The following SLC35F3 variants were observed in gnomAD, a reference collection of about 807,000 sequenced individuals.
The protein encoded by SLC35F3 is putative thiamine transporter SLC35F3.
A neutral mutation model predicts 49.9 loss-of-function variants in SLC35F3; 25 were observed. That is an observed-to-expected ratio of 0.50 (90% CI 0.37 to 0.70). The LOEUF (loss-of-function observed/expected upper bound fraction) is 0.70. Ranked by LOEUF, SLC35F3 falls within the 30% of genes least tolerant of loss-of-function variation. SLC35F3 has a pLI of 0.00. For synonymous variants in SLC35F3, 275 were observed against 265.4 expected, an observed-to-expected ratio of 1.04 and a Z score of -0.35; for missense variants, 525 against 639.8, an observed-to-expected ratio of 0.82 and a Z score of 1.94.
chr1:234,028,699 G>A lies in SLC35F3; in HGVS notation c.283+122941G>A, dbSNP rs142020073. 6.6e-5 allele frequency among the ~76,000 whole-genome samples: 10 copies of A among 152,312 alleles called. No homozygotes were observed. The East Asian group carries it at 1.9e-3, about 29-fold the overall frequency. ...AGAGAGACTCTCTATAGAAAAGAGA[G>A]GTAACTGGCAAAGCTACAGGAGGTG... On this transcript the variant is annotated intron_variant, in intron 2 of 7. Coordinates refer to ENST00000366618, the MANE Select transcript of SLC35F3 (RefSeq NM_173508.4).
At chr1:234,265,665 CT>C (rs1290434923) in intron 3 of SLC35F3, among the ~76,000 whole-genome samples, 1 of 152,192 alleles carries the variant, frequency 6.6e-6, no homozygotes, top group Admixed American at 6.5e-5. Flanking sequence ...CTCCATTCTT[CT>C]TTCCTTACCT....
chr1:234,245,732 AC>A (rs1301763178), intron 3 of SLC35F3, among the ~76,000 whole-genome samples: 2 of 152,082 alleles, frequency 1.3e-5, no homozygotes, highest in Non-Finnish European at 2.9e-5. Context: ...GTCATGGGCC[AC>A]CTAAGCTGGA....
At chr1:234,099,005 A>G (rs1018746334) in intron 2 of SLC35F3, among the ~76,000 whole-genome samples, 1 of 152,024 alleles carries the variant, frequency 6.6e-6, no homozygotes. Context: ...AGCAGTGCAG[A>G]TGGTGGTGGT....
intron 2 of SLC35F3, among the ~76,000 whole-genome samples, chr1:234,138,099 G>A (rs1029431274): frequency 6.6e-6 from 1 of 152,210 alleles, no homozygotes; most frequent in Non-Finnish European, 1.5e-5. Context: ...GTAATACCAT[G>A]TCTGTGTACT....
Position 234,214,113 on chromosome 1 carries a change from TGGGA to T in SLC35F3, c.284-17301_284-17298del, listed in dbSNP as rs1440943954. On this transcript the variant is annotated intron_variant, in intron 2 of 7. Coordinates refer to ENST00000366618, the MANE Select transcript of SLC35F3 (RefSeq NM_173508.4). This position sits in a 1 kb window ranked among gnomAD's most constrained non-coding sequence, Gnocchi z 8.0. ...CCAGAGGCTGCAGTCAGGACCTGGCTGGGAGGAAGACAGGGATGAGGGCTGCGGG... is the reference window on the plus strand; with the variant it reads ...CCAGAGGCTGCAGTCAGGACCTGGCTGGAAGACAGGGATGAGGGCTGCGGG... 1.0e-6 allele frequency: 1 copy of T among 995,178 alleles called. No homozygotes were observed. The highest frequency in any genetic ancestry group is 1.7e-5 in the African/African-American group (1 of 57,938). 61.6% of individuals were successfully genotyped at this position (995,178 alleles called of 1,614,324 possible). A position where few individuals can be genotyped will look rare whatever the true frequency, so the allele number is the denominator to read the frequency against.
At chr1:234,152,750 G>A (rs1296047874) in intron 2 of SLC35F3, among the ~76,000 whole-genome samples, 4 of 152,198 alleles carry the variant, frequency 2.6e-5, no homozygotes, top group African/African-American at 7.2e-5. Flanking sequence ...CCCAGTAATG[G>A]GATTGCTGGG....
chr1:234,085,359 C>A (rs1315093532), intron 2 of SLC35F3, among the ~76,000 whole-genome samples: 2 of 152,194 alleles, frequency 1.3e-5, no homozygotes, highest in Non-Finnish European at 2.9e-5. Context: ...TCACCCATGC[C>A]TGGATCTTTA....
chr1:233,921,089 A>G (rs1030478183), intron 2 of SLC35F3, among the ~76,000 whole-genome samples: 12 of 152,276 alleles, frequency 7.9e-5, no homozygotes, highest in African/African-American at 1.2e-4. Context: ...ATATATCACT[A>G]TTAGAAGACA....
At chr1:234,189,780 A>T (rs189706319) in intron 2 of SLC35F3, among the ~76,000 whole-genome samples, 1 of 152,306 alleles carries the variant, frequency 6.6e-6, no homozygotes, top group Admixed American at 6.5e-5. Flanking sequence ...AGTTATCCAA[A>T]GTCAAGACAA....
chr1:233,975,696 C>T (rs66540183), intron 2 of SLC35F3, among the ~76,000 whole-genome samples: 26,794 of 152,192 alleles, frequency 0.18, 2,970 homozygotes, highest in East Asian at 0.37. Context: ...GAGGAAGTGG[C>T]TGGGAGCTGC....
chr1:234,180,772 AG>A (rs1401833067), intron 2 of SLC35F3, among the ~76,000 whole-genome samples: 2 of 152,244 alleles, frequency 1.3e-5, no homozygotes, highest in African/African-American at 4.8e-5. Flanking sequence ...CAGGCAGGGA[AG>A]GAGGGAAGAT....
chr1:234,173,865 G>A (rs927793660), intron 2 of SLC35F3, among the ~76,000 whole-genome samples: 12 of 152,140 alleles, frequency 7.9e-5, no homozygotes, highest in Non-Finnish European at 1.3e-4. Context: ...AGTTTCCTCC[G>A]CTCTCTGACA....
At chr1:233,966,839 T>G (rs1662913153) in intron 2 of SLC35F3, among the ~76,000 whole-genome samples, 1 of 152,250 alleles carries the variant, frequency 6.6e-6, no homozygotes, top group South Asian at 2.1e-4. Context: ...ATGACTGTGC[T>G]TCAGTTCCTT....
At chr1:234,094,865 T>G (rs147806243) in intron 2 of SLC35F3, among the ~76,000 whole-genome samples, 59 of 152,210 alleles carry the variant, frequency 3.9e-4, no homozygotes, top group Non-Finnish European at 8.8e-5. Flanking sequence ...TGCCTATCTC[T>G]GTCTAGTACA....
chr1:233,915,327 G>C (rs180777666), intron 2 of SLC35F3, among the ~76,000 whole-genome samples: 24 of 152,230 alleles, frequency 1.6e-4, no homozygotes, highest in Admixed American at 1.3e-3. Context: ...TGTCAATTTC[G>C]CTACCTTACT....
Position 233,999,011 on chromosome 1 carries a change from G to A in SLC35F3, c.283+93253G>A, listed in dbSNP as rs186763629. ...TAGGGTAATTATGCAAAGCCCTTGAGCCTCATGCTCAATACAGACGGCAGC... is the reference window on the plus strand; with the variant it reads ...TAGGGTAATTATGCAAAGCCCTTGAACCTCATGCTCAATACAGACGGCAGC... On this transcript the variant is annotated intron_variant, in intron 2 of 7. Transcript: ENST00000366618. Among the ~76,000 whole-genome samples, 19 of 152,254 alleles carry A rather than the reference G, an allele frequency of 1.2e-4. No homozygotes were observed. The East Asian group carries it at 3.7e-3, about 29-fold the overall frequency.
At chr1:233,998,639 T>C (rs1380399793) in intron 2 of SLC35F3, among the ~76,000 whole-genome samples, 1 of 151,888 alleles carries the variant, frequency 6.6e-6, no homozygotes, top group Non-Finnish European at 1.5e-5. Flanking sequence ...ACTGTTCAAC[T>C]CAGTAGACAC....
intron 2 of SLC35F3, among the ~76,000 whole-genome samples, chr1:234,092,800 C>T (rs562374816): frequency 3.7e-4 from 57 of 152,248 alleles, no homozygotes; most frequent in South Asian, 2.3e-3. Context: ...CCCAGGAGTT[C>T]GAGGCTGCAG....
intron 3 of SLC35F3, among the ~76,000 whole-genome samples, chr1:234,282,389 T>G (rs1056098627): frequency 2.0e-5 from 3 of 152,162 alleles, no homozygotes; most frequent in Non-Finnish European, 4.4e-5. Context: ...TTGGTGGTCT[T>G]CTCCCACCCC....
Sources: allele counts gnomAD v4.1 joint callset (sites outside exome capture counted in the v4.1 genomes callset), GRCh38; gene constraint gnomAD v4.1.1; non-coding constraint Gnocchi (gnomAD v3.1); transcripts MANE v1.5; gene names NCBI Gene and HGNC (gene_info 2026-07-23, HGNC 2026-07-21).